Variants in CFAP95 observed in about 807,000 individuals in gnomAD.
CFAP95 encodes the protein cilia and flagella associated protein 95.
the CFAP95 span, chr9:69,905,982 T>C: frequency 1.2e-6 from 2 of 1,610,670 alleles, no homozygotes; most frequent in Middle Eastern, 1.7e-4. Flanking sequence ...GATTATTCCA[T>C]AGTCCACAGA....
chr9:69,831,442 T>A, the CFAP95 span, among the ~76,000 whole-genome samples: 7 of 152,032 alleles, frequency 4.6e-5, no homozygotes, highest in Non-Finnish European at 7.4e-5. Flanking sequence ...TCTTTTTTTT[T>A]AATTGCATTT....
the CFAP95 span, among the ~76,000 whole-genome samples, chr9:69,850,510 G>C: frequency 1.3e-5 from 2 of 152,016 alleles, no homozygotes; most frequent in Non-Finnish European, 1.5e-5. Context: ...TCCTAAAAGG[G>C]ATACAAACGA....
At chr9:69,846,928 T>G in the CFAP95 span, among the ~76,000 whole-genome samples, 1 of 152,160 alleles carries the variant, frequency 6.6e-6, no homozygotes, top group Non-Finnish European at 1.5e-5. Context: ...TAAAAGAGTA[T>G]TCATGTAGTT....
chr9:69,904,627 T>C, the CFAP95 span, among the ~76,000 whole-genome samples: 2 of 152,172 alleles, frequency 1.3e-5, no homozygotes, highest in East Asian at 1.9e-4. Flanking sequence ...GACGCTGTAT[T>C]TGAGGCTCTC....
At chr9:69,874,210 C>T in the CFAP95 span, among the ~76,000 whole-genome samples, 1 of 152,044 alleles carries the variant, frequency 6.6e-6, no homozygotes, top group East Asian at 1.9e-4. Context: ...AACTCGTGCT[C>T]ATTAAATCAC....
At chr9:69,896,410 A>T in the CFAP95 span, among the ~76,000 whole-genome samples, 1 of 152,174 alleles carries the variant, frequency 6.6e-6, no homozygotes, top group Non-Finnish European at 1.5e-5. Flanking sequence ...ATTTACATAG[A>T]TCTTCATATT....
the CFAP95 span, among the ~76,000 whole-genome samples, chr9:69,874,817 C>T: frequency 6.6e-6 from 1 of 152,210 alleles, no homozygotes; most frequent in Non-Finnish European, 1.5e-5. Flanking sequence ...AGCTGTAAAG[C>T]AGAGCCACCT....
chr9:69,860,608 T>C, the CFAP95 span, among the ~76,000 whole-genome samples: 1 of 150,788 alleles, frequency 6.6e-6, no homozygotes, highest in Non-Finnish European at 1.5e-5. Context: ...CCTTTTCTTT[T>C]TTTTTTTTTT....
chr9:69,855,959 A>C, the CFAP95 span, among the ~76,000 whole-genome samples: 1 of 152,020 alleles, frequency 6.6e-6, no homozygotes, highest in African/African-American at 2.4e-5. Flanking sequence ...TTGGCTCTGA[A>C]CCTCCAGCTT....
the CFAP95 span, among the ~76,000 whole-genome samples, chr9:69,850,220 A>G: frequency 1.2e-4 from 19 of 152,270 alleles, no homozygotes; most frequent in East Asian, 7.7e-4. Context: ...CTTGTCAGAC[A>G]TAAATGAACA....
chr9:69,872,892 G>A, the CFAP95 span, among the ~76,000 whole-genome samples: 44 of 152,268 alleles, frequency 2.9e-4, no homozygotes, highest in African/African-American at 1.0e-3. Context: ...GACAAATCTG[G>A]GTCATAGGTT....
At chr9:69,886,200 C>T in the CFAP95 span, among the ~76,000 whole-genome samples, 20 of 152,126 alleles carry the variant, frequency 1.3e-4, no homozygotes, top group East Asian at 3.9e-3. Flanking sequence ...GTTCAAGTAA[C>T]CCTTATTATA....
the CFAP95 span, among the ~76,000 whole-genome samples, chr9:69,828,076 T>A: frequency 1.3e-5 from 2 of 152,198 alleles, no homozygotes; most frequent in African/African-American, 4.8e-5. Flanking sequence ...TGGTTCTTGT[T>A]AATAGAAGCT....
chr9:69,878,840 A>T, the CFAP95 span, among the ~76,000 whole-genome samples: 26 of 152,234 alleles, frequency 1.7e-4, no homozygotes, highest in Non-Finnish European at 3.5e-4. Flanking sequence ...TATAGGAAAC[A>T]TGGTGCTGGC....
chr9:69,824,770 AAACACACATAATACAAGG>A, the CFAP95 span, among the ~76,000 whole-genome samples: 3 of 152,224 alleles, frequency 2.0e-5, no homozygotes, highest in Non-Finnish European at 4.4e-5. Context: ...TTTTAAACTG[AAACACACATAATACAAGG>A]TTATGTCTTG....
At chr9:69,837,458 G>C in the CFAP95 span, among the ~76,000 whole-genome samples, 2 of 152,078 alleles carry the variant, frequency 1.3e-5, no homozygotes, top group African/African-American at 4.8e-5. Flanking sequence ...TTGTGGTTTT[G>C]ATTTGCATTT....
chr9:69,827,116 G>C, the CFAP95 span, among the ~76,000 whole-genome samples: 1 of 152,336 alleles, frequency 6.6e-6, no homozygotes, highest in African/African-American at 2.4e-5. Flanking sequence ...CCTAGTTGCA[G>C]TGTGTGTCAT....
chr9:69,899,099 C>T, the CFAP95 span, among the ~76,000 whole-genome samples: 1 of 152,230 alleles, frequency 6.6e-6, no homozygotes, highest in Non-Finnish European at 1.5e-5. Context: ...TGGTTACACT[C>T]ATCTACCTGA....
chr9:69,842,978 G>A, the CFAP95 span, among the ~76,000 whole-genome samples: 1 of 152,228 alleles, frequency 6.6e-6, no homozygotes, highest in African/African-American at 2.4e-5. Flanking sequence ...CCCTAGTCCA[G>A]TGGGGGTGGG....
Sources: gnomAD v4.1 joint callset for allele counts (sites outside exome capture counted in the v4.1 genomes callset) on GRCh38, gnomAD v4.1.1 for gene constraint, MANE v1.5 for transcripts, NCBI Gene and HGNC (gene_info 2026-07-23, HGNC 2026-07-21) for gene names.